Variants in CDC14B observed in about 807,000 individuals in gnomAD.
The protein encoded by CDC14B is cell division cycle 14B, also known as dual specificity protein phosphatase CDC14B.
CDC14B carries 22 observed loss-of-function variants against 64.2 expected under a neutral mutation model. That is an observed-to-expected ratio of 0.34 (90% CI 0.24 to 0.49). CDC14B has a LOEUF of 0.49. CDC14B is among the 20% of genes least tolerant of loss of function. CDC14B has a pLI of 0.99. For missense variants in CDC14B, 498 were observed against 629.9 expected, an observed-to-expected ratio of 0.79 and a Z score of 2.24; for synonymous variants, 191 against 215.8, an observed-to-expected ratio of 0.89 and a Z score of 1.01.
chr9:96,565,968 C>T (rs958009404), intron 1 of CDC14B, among the ~76,000 whole-genome samples: 1 of 152,286 alleles, frequency 6.6e-6, no homozygotes, highest in Non-Finnish European at 1.5e-5. Flanking sequence ...ATAGAACAAA[C>T]CATATGTTTC....
intron 12 of CDC14B, among the ~76,000 whole-genome samples, chr9:96,521,551 G>A (rs143238340): frequency 1.3e-5 from 2 of 152,292 alleles, no homozygotes; most frequent in East Asian, 1.9e-4. Flanking sequence ...CCTCCCAGGG[G>A]AGCAACCCAT....
At chr9:96,526,237 A>G (rs897693141) in intron 9 of CDC14B, among the ~76,000 whole-genome samples, 2 of 152,116 alleles carry the variant, frequency 1.3e-5, no homozygotes, top group Admixed American at 6.5e-5. Context: ...GCGTGGTGGC[A>G]GGCACCTGTA....
At chr9:96,605,799 T>C (rs1325622539) in intron 1 of CDC14B, among the ~76,000 whole-genome samples, 1 of 151,636 alleles carries the variant, frequency 6.6e-6, no homozygotes, top group African/African-American at 2.4e-5. Context: ...AGGTGGAGGT[T>C]GCAGCGAGCC....
chr9:96,567,874 TC>T (rs1428186642), intron 1 of CDC14B, among the ~76,000 whole-genome samples: 2 of 152,194 alleles, frequency 1.3e-5, no homozygotes, highest in Non-Finnish European at 2.9e-5. Context: ...TACCCCATTC[TC>T]CATGATGTGA....
chr9:96,603,543 C>T (rs1846649624), intron 1 of CDC14B, among the ~76,000 whole-genome samples: 1 of 152,168 alleles, frequency 6.6e-6, no homozygotes, highest in Non-Finnish European at 1.5e-5. Flanking sequence ...AAGACCAGCA[C>T]TACTTAGTCA....
chr9:96,512,328 T>TC (rs1456856741), intron 12 of CDC14B, among the ~76,000 whole-genome samples: 165 of 143,750 alleles, frequency 1.1e-3, no homozygotes, highest in African/African-American at 3.3e-3. Context: ...TTTTTTTTCT[T>TC]TTTTTTTTTT....
At chr9:96,516,561 C>A (rs1211178048) in intron 12 of CDC14B, among the ~76,000 whole-genome samples, 1 of 152,058 alleles carries the variant, frequency 6.6e-6, no homozygotes, top group East Asian at 1.9e-4. Flanking sequence ...CTCACTGCAA[C>A]CTCCGCTTCC....
At chr9:96,615,193 A>G (rs1378453073) in intron 1 of CDC14B, among the ~76,000 whole-genome samples, 1 of 152,122 alleles carries the variant, frequency 6.6e-6, no homozygotes, top group Admixed American at 6.6e-5. Flanking sequence ...CTGAACTAGC[A>G]GTATAGTTCA....
At chr9:96,513,458 G>A (rs1564206308) in intron 12 of CDC14B, among the ~76,000 whole-genome samples, 1 of 152,150 alleles carries the variant, frequency 6.6e-6, no homozygotes, top group African/African-American at 2.4e-5. Flanking sequence ...GCAGAGCAGT[G>A]TGCAGCAGAT....
intron 12 of CDC14B, chr9:96,514,651 T>A: frequency 1.0e-6 from 1 of 985,462 alleles, no homozygotes; most frequent in Non-Finnish European, 1.2e-6. Context: ...TTTGCATTCT[T>A]TCATAACTTC....
chr9:96,619,506 G>C lies in CDC14B; in HGVS notation c.-128C>G, dbSNP rs1189582403. ...CGCAGAGCGGCGCTGCGGGGACGGC[G>C]GGCGCCGGCAGAGCCCGGCGGGAGG... On this transcript the variant is annotated 5_prime_UTR_variant, in exon 1 of 14. Transcript: ENST00000375241. 2.9e-6 allele frequency: 1 copy of C among 344,048 alleles called. No individual in the cohort carries two copies. The highest frequency in any genetic ancestry group is 2.3e-5 in the African/African-American group (1 of 44,436). The allele number at this position is 344,048 out of a possible 1,614,324, so 21.3% of individuals were successfully genotyped here. A position where few individuals can be genotyped will look rare whatever the true frequency, so the allele number is the denominator to read the frequency against.
chr9:96,613,778 AT>A (rs1847460112), intron 1 of CDC14B, among the ~76,000 whole-genome samples: 1 of 152,100 alleles, frequency 6.6e-6, no homozygotes, highest in Non-Finnish European at 1.5e-5. Context: ...AGAAAAAGCA[AT>A]TTTTTTCCTT....
intron 7 of CDC14B, among the ~76,000 whole-genome samples, chr9:96,537,636 C>G (rs10115771): frequency 0.01 from 1,559 of 152,326 alleles, 24 homozygotes; most frequent in African/African-American, 0.035. Context: ...AACTTCAAGT[C>G]CAATTTCTGA....
At chr9:96,535,715 C>T (rs1390226247) in intron 7 of CDC14B, among the ~76,000 whole-genome samples, 1 of 137,910 alleles carries the variant, frequency 7.3e-6, no homozygotes, top group African/African-American at 3.6e-5. Flanking sequence ...AGCAGGTAAT[C>T]CCAAACCAGT....
intron 7 of CDC14B, 151 bp downstream of exon 7, chr9:96,538,927 C>A: frequency 1.6e-6 from 1 of 607,972 alleles, no homozygotes; most frequent in South Asian, 1.8e-5. Flanking sequence ...TGTTAATTAG[C>A]TTGATTAGGT....
At chr9:96,561,627 C>T (rs1410310150) in intron 4 of CDC14B, among the ~76,000 whole-genome samples, 8 of 151,544 alleles carry the variant, frequency 5.3e-5, no homozygotes, top group South Asian at 2.1e-4. Context: ...TACAGGCGCC[C>T]GCCACCACGC....
intron 1 of CDC14B, among the ~76,000 whole-genome samples, chr9:96,615,836 A>ACTC (rs1485232845): frequency 1.3e-5 from 2 of 152,218 alleles, no homozygotes; most frequent in Non-Finnish European, 2.9e-5. Context: ...TGAGGAATGG[A>ACTC]TAAAGTCCAT....
At chr9:96,550,823 T>A (rs536211487) in intron 5 of CDC14B, among the ~76,000 whole-genome samples, 1 of 152,214 alleles carries the variant, frequency 6.6e-6, no homozygotes, top group East Asian at 1.9e-4. Flanking sequence ...CACAATCGCA[T>A]GCTAAGTTTG....
rs565130440 is a variant in CDC14B at position 96,568,714 on chromosome 9, G to A, written c.161-3231C>T. Among the ~76,000 whole-genome samples the A allele has an allele frequency of 6.6e-5, 10 of 152,248 alleles. No homozygotes were observed. In the East Asian group the frequency reaches 1.7e-3, roughly 26 times the overall value. On this transcript the variant is annotated intron_variant, in intron 1 of 13. Coordinates refer to ENST00000375241, the MANE Select transcript of CDC14B (RefSeq NM_033331.4). ...ATGGATCATCTGAGGTCAGGAGTTC[G>A]AGACTAGCCTGGCCAACATGGTGAA...
Sources: gnomAD v4.1 joint callset for allele counts (sites outside exome capture counted in the v4.1 genomes callset) on GRCh38, gnomAD v4.1.1 for gene constraint, MANE v1.5 for transcripts, NCBI Gene and HGNC (gene_info 2026-07-23, HGNC 2026-07-21) for gene names.